The following FAM184B variants were observed in gnomAD, a reference collection of about 807,000 sequenced individuals.
FAM184B encodes protein FAM184B.
Under a neutral mutation model 135.9 loss-of-function variants are expected in FAM184B, and 111 were observed. The ratio of observed to expected loss-of-function variants is 0.82; its 90% confidence interval spans 0.70 to 0.96. The LOEUF (loss-of-function observed/expected upper bound fraction) is 0.96. FAM184B is among the 40% of genes least tolerant of loss of function. The pLI, the probability that FAM184B is intolerant of heterozygous loss-of-function variation, is 0.00. For missense variants in FAM184B, 1,375 were observed against 1,323.9 expected (o/e 1.04, Z -0.60); for synonymous variants, 552 against 524.8 (o/e 1.05, Z -0.71).
At chr4:17,690,147 CA>C (rs1182400475) in intron 6 of FAM184B, among the ~76,000 whole-genome samples, 75 of 130,026 alleles carry the variant, frequency 5.8e-4, no homozygotes, top group Admixed American at 7.5e-4. Context: ...GACTCCGTCT[CA>C]AAAAAAAAAA....
chr4:17,768,081 T>C (rs1718738454), intron 1 of FAM184B, among the ~76,000 whole-genome samples: 1 of 152,274 alleles, frequency 6.6e-6, no homozygotes, highest in Non-Finnish European at 1.5e-5. Context: ...TAGAATTACA[T>C]ATAATTTTCC....
chr4:17,636,118 TTTTC>T (rs1056662533), intron 15 of FAM184B, among the ~76,000 whole-genome samples: 1 of 152,040 alleles, frequency 6.6e-6, no homozygotes, highest in African/African-American at 2.4e-5. Flanking sequence ...AGAAAGGAGT[TTTTC>T]TTTGAGACAG....
Position 17,758,884 on chromosome 4 carries a change from C to G in FAM184B, c.141+22275G>C, listed in dbSNP as rs183524857. ...GAATTTAGGGGGTAAAAAAAAAAAACCAAGTAAGCTTAACACAAATGGGAA... is the reference window on the plus strand; with the variant it reads ...GAATTTAGGGGGTAAAAAAAAAAAAGCAAGTAAGCTTAACACAAATGGGAA... On this transcript the variant is annotated intron_variant, in intron 1 of 17. Coordinates refer to ENST00000265018, the MANE Select transcript of FAM184B (RefSeq NM_015688.2). Among the ~76,000 whole-genome samples, 721 of 151,490 alleles carry G rather than the reference C, an allele frequency of 4.8e-3. 18 individuals carry two copies. The highest frequency in any genetic ancestry group is 0.044 in the Admixed American group (669 of 15,222).
At chr4:17,637,245 TCTGGAATTC>T (rs1229445811) in intron 14 of FAM184B, among the ~76,000 whole-genome samples, 1 of 152,168 alleles carries the variant, frequency 6.6e-6, no homozygotes, top group African/African-American at 2.4e-5. Context: ...GCCAGGCTGG[TCTGGAATTC>T]CTGACCTCGT....
At chr4:17,661,382 C>T (rs1343695186) in intron 8 of FAM184B, among the ~76,000 whole-genome samples, 1 of 152,072 alleles carries the variant, frequency 6.6e-6, no homozygotes. Context: ...GAAACCCCGT[C>T]TCTACTAAAA....
chr4:17,711,763 G>A (rs903565913), intron 1 of FAM184B, among the ~76,000 whole-genome samples: 6 of 152,150 alleles, frequency 3.9e-5, no homozygotes, highest in Admixed American at 1.3e-4. Flanking sequence ...TTCAAGAGCC[G>A]TGAGAACACG....
chr4:17,678,940 A>G (rs1055408365), intron 7 of FAM184B, among the ~76,000 whole-genome samples: 6 of 152,200 alleles, frequency 3.9e-5, no homozygotes, highest in Non-Finnish European at 1.5e-5. Flanking sequence ...AGGACACCCT[A>G]TTCAACAAAT....
At chr4:17,641,120 G>A (rs1715298130) in intron 13 of FAM184B, among the ~76,000 whole-genome samples, 1 of 152,086 alleles carries the variant, frequency 6.6e-6, no homozygotes. Flanking sequence ...TTTTAGTAGA[G>A]ACGGGGTTTC....
chr4:17,725,837 T>C (rs570375980), intron 1 of FAM184B, among the ~76,000 whole-genome samples: 170 of 152,292 alleles, frequency 1.1e-3, no homozygotes, highest in African/African-American at 3.9e-3. Flanking sequence ...AGATCCTTCT[T>C]GTCCAGTGAA....
At position 17,705,039 on chromosome 4, in the gene FAM184B, A is replaced by G; in HGVS notation, c.1338T>C (p.Val446=). 1 of 1,551,754 alleles carries G rather than the reference A, an allele frequency of 6.4e-7. No individual in the cohort carries two copies. The highest frequency in any genetic ancestry group is 8.7e-7 in the Non-Finnish European group (1 of 1,147,002). Residue 446 remains valine, a synonymous_variant, in exon 5 of 18, where the codon GTT becomes GTC. Coordinates refer to ENST00000265018, the MANE Select transcript of FAM184B (RefSeq NM_015688.2). The part of the protein sequence containing the change: ...VKKHTVEIKS[V]RSSVEAERKK... ...TTCTTTCAGCCTCCACGGACGAGCGAACGGATTTGATTTCCACGGTGTGCT... is the reference window on the plus strand; with the variant it reads ...TTCTTTCAGCCTCCACGGACGAGCGGACGGATTTGATTTCCACGGTGTGCT...
At chr4:17,737,549 T>G (rs1051916708) in intron 1 of FAM184B, among the ~76,000 whole-genome samples, 3 of 152,132 alleles carry the variant, frequency 2.0e-5, no homozygotes, top group Non-Finnish European at 4.4e-5. Flanking sequence ...ATAAACATAT[T>G]CATAGAATTT....
At chr4:17,729,662 A>G (rs1045696558) in intron 1 of FAM184B, among the ~76,000 whole-genome samples, 1 of 152,252 alleles carries the variant, frequency 6.6e-6, no homozygotes, top group African/African-American at 2.4e-5. Context: ...CAGGGTCTGG[A>G]GTGGACCTCT....
intron 11 of FAM184B, 145 bp from the exon 12 acceptor site, chr4:17,647,936 A>C (rs1304135569): frequency 4.3e-5 from 38 of 876,730 alleles, no homozygotes; most frequent in Non-Finnish European, 5.1e-6. Context: ...AACCTTTTCC[A>C]AGGTAACAGT....
chr4:17,726,288 A>C (rs537626774), intron 1 of FAM184B, among the ~76,000 whole-genome samples: 2 of 152,296 alleles, frequency 1.3e-5, no homozygotes, highest in South Asian at 4.1e-4. Context: ...GGTTAAAGGA[A>C]ATTTATTGGC....
intron 10 of FAM184B, among the ~76,000 whole-genome samples, chr4:17,653,788 G>C (rs2108938271): frequency 6.6e-6 from 1 of 151,962 alleles, no homozygotes; most frequent in African/African-American, 2.4e-5. Flanking sequence ...GGACTTTGCA[G>C]ATGTGATTAA....
chr4:17,721,822 C>T (rs140600410), intron 1 of FAM184B, among the ~76,000 whole-genome samples: 2 of 152,304 alleles, frequency 1.3e-5, no homozygotes, highest in Non-Finnish European at 2.9e-5. Context: ...AACATTCCCT[C>T]GCAATGGGCC....
chr4:17,647,518 A>G, intron 12 of FAM184B, 119 bp downstream of exon 12: 1 of 1,276,362 alleles, frequency 7.8e-7, no homozygotes, highest in Non-Finnish European at 1.1e-6. Context: ...CCAAAGTGCT[A>G]GATTCCAAGT....
At position 17,705,034 on chromosome 4, in the gene FAM184B, G is replaced by A. The variant is rs752513876; in HGVS notation, c.1343C>T (p.Ser448Leu). Residue 448 changes from serine (S) to leucine (L), a missense_variant, in exon 5 of 18, where the codon TCG becomes TTG. Transcript: ENST00000265018. The stretch of plus-strand genomic sequence containing the variant: ...TTTCTTTCTTTCAGCCTCCACGGAC[G>A]AGCGAACGGATTTGATTTCCACGGT... ...KHTVEIKSVRSSVEAERKKLQ... is the reference protein window; with the variant it reads ...KHTVEIKSVRLSVEAERKKLQ... The A allele has an allele frequency of 2.3e-5, 35 of 1,551,610 alleles. No homozygotes were observed. Among genetic ancestry groups the A allele is most frequent in the South Asian group, 4.8e-5 (4 of 84,060 alleles).
intron 1 of FAM184B, among the ~76,000 whole-genome samples, chr4:17,745,546 C>T (rs938923462): frequency 3.3e-5 from 5 of 152,192 alleles, no homozygotes; most frequent in South Asian, 2.1e-4. Context: ...ATGGCTGTAT[C>T]GCAGTCTGAG....
Sources: allele counts gnomAD v4.1 joint callset (sites outside exome capture counted in the v4.1 genomes callset), GRCh38; gene constraint gnomAD v4.1.1; transcripts MANE v1.5; gene names NCBI Gene and HGNC (gene_info 2026-07-23, HGNC 2026-07-21).